The following AZIN1 variants were observed in gnomAD, a reference collection of about 807,000 sequenced individuals.
The protein encoded by AZIN1 is ornithine decarboxylase antizyme inhibitor.
AZIN1 carries 12 observed loss-of-function variants against 47.4 expected under a neutral mutation model. The observed-to-expected ratio is 0.25, with a 90% CI of 0.16 to 0.41. AZIN1 has a LOEUF of 0.41. Ranked by LOEUF, AZIN1 falls within the 10% of genes least tolerant of loss-of-function variation. AZIN1 has a pLI of 1.00. For missense variants in AZIN1, 410 were observed against 532.4 expected, an observed-to-expected ratio of 0.77 and a Z score of 2.26; for synonymous variants, 155 against 176.3, an observed-to-expected ratio of 0.88 and a Z score of 0.96.
chr8:102,831,386 A>G (rs1811447369), intron 9 of AZIN1, among the ~76,000 whole-genome samples: 1 of 152,044 alleles, frequency 6.6e-6, no homozygotes, highest in African/African-American at 2.4e-5. Context: ...GGTAGTTTAC[A>G]GAGTCTCTAA....
intron 2 of AZIN1, among the ~76,000 whole-genome samples, chr8:102,856,964 A>G (rs1813332424): frequency 6.6e-6 from 1 of 152,254 alleles, no homozygotes; most frequent in Non-Finnish European, 1.5e-5. Flanking sequence ...GGACAGTAAT[A>G]CACTCAAAAA....
intron 5 of AZIN1, 59 bp from the exon 6 acceptor site, chr8:102,836,449 A>T: frequency 2.6e-6 from 4 of 1,545,464 alleles, no homozygotes; most frequent in Non-Finnish European, 2.7e-6. Context: ...AGCACATGTG[A>T]AGCCTGAAGA....
intron 2 of AZIN1, chr8:102,850,037 G>A (rs553436373): frequency 6.6e-6 from 1 of 152,280 alleles, no homozygotes; most frequent in East Asian, 1.9e-4. Flanking sequence ...TACTTCAGAA[G>A]AAACTGATAC....
chr8:102,834,685 C>T lies in AZIN1; in HGVS notation c.647G>A (p.Arg216Gln), dbSNP rs759269331. Residue 216 changes from arginine to glutamine, a missense_variant, in exon 7 of 12, where the codon CGA becomes CAA. This residue lies in a region of AZIN1 where 237 missense variants were observed against 309.4 expected (regional missense o/e 0.77). Coordinates refer to ENST00000337198, the MANE Select transcript of AZIN1 (RefSeq NM_148174.4). ...ACTTACAGCCATGTCAAACACACAT[C>T]GAGCATCAGATAGAGCATGTACATA... ...QVYVHALSDA[R>Q]CVFDMAGEIG... 1.5e-5 allele frequency: 24 copies of T among 1,608,900 alleles called. No individual in the cohort carries two copies. Among genetic ancestry groups the T allele is most frequent in the Admixed American group, 5.1e-5 (3 of 59,216 alleles).
chr8:102,829,427 C>G lies in AZIN1; in HGVS notation c.1080G>C (p.Glu360Asp). The G allele has an allele frequency of 6.2e-7, 1 of 1,614,114 alleles. No individual in the cohort carries two copies. The highest frequency in any genetic ancestry group is 8.5e-7 in the Non-Finnish European group (1 of 1,179,958). The change falls in exon 11 of 12, where the codon GAG becomes GAC. Residue 360 changes from glutamate (E) to aspartate (D), a missense_variant. Transcript: ENST00000337198. Reference protein sequence around the residue: ...TSSLWGPSCDELDQIVESCLL... With the variant: ...TSSLWGPSCDDLDQIVESCLL... ...GACAGCTTTCCACAATTTGATCAAG[C>G]TCATCACAGGATGGACCCCAAAGGC...
At chr8:102,830,734 TG>T (rs1162878073) in intron 9 of AZIN1, among the ~76,000 whole-genome samples, 4 of 151,388 alleles carry the variant, frequency 2.6e-5, no homozygotes, top group Non-Finnish European at 5.9e-5. Context: ...AAAACCACAA[TG>T]GACTACCATT....
chr8:102,860,693 A>T (rs1813590245), intron 1 of AZIN1, among the ~76,000 whole-genome samples: 1 of 152,200 alleles, frequency 6.6e-6, no homozygotes, highest in Non-Finnish European at 1.5e-5. Flanking sequence ...AACTACAAAA[A>T]CTTTCTATCA....
chr8:102,835,554 AG>A (rs1409648910), intron 6 of AZIN1: 1 of 152,338 alleles, frequency 6.6e-6, no homozygotes, highest in African/African-American at 2.4e-5. Flanking sequence ...AGGCCAAGGC[AG>A]GAAGATTGCT....
chr8:102,854,169 C>T (rs6990288), intron 2 of AZIN1, among the ~76,000 whole-genome samples: 33,209 of 151,890 alleles, frequency 0.22, 4,186 homozygotes, highest in African/African-American at 0.34. Context: ...AAACTCCTGA[C>T]TTCAGATGAT....
intron 2 of AZIN1, among the ~76,000 whole-genome samples, chr8:102,848,122 AG>A (rs141754044): frequency 0.022 from 3,305 of 152,290 alleles, 61 homozygotes; most frequent in Non-Finnish European, 0.036. Context: ...ACAGGATGGT[AG>A]CCTAGGAGCA....
chr8:102,849,802 T>A (rs963705444), intron 2 of AZIN1, among the ~76,000 whole-genome samples: 3 of 152,142 alleles, frequency 2.0e-5, no homozygotes, highest in Non-Finnish European at 2.9e-5. Flanking sequence ...ATATGTAACA[T>A]CCCTTATTCA....
At chr8:102,850,089 C>G (rs1381030600) in intron 2 of AZIN1, 4 of 152,178 alleles carry the variant, frequency 2.6e-5, no homozygotes, top group Admixed American at 2.6e-4. Flanking sequence ...AGCAACAGCC[C>G]ACTTGACACC....
chr8:102,859,946 T>C (rs1813526612), intron 1 of AZIN1, among the ~76,000 whole-genome samples: 1 of 152,062 alleles, frequency 6.6e-6, no homozygotes, highest in Non-Finnish European at 1.5e-5. Context: ...GGAATTTGAG[T>C]CCAGCCTGGG....
chr8:102,833,304 T>C (rs1471325006), intron 8 of AZIN1, 86 bp from the exon 9 acceptor site: 1 of 1,312,336 alleles, frequency 7.6e-7, no homozygotes. Context: ...CAAAATTTTC[T>C]AGGAAAATGA....
intron 3 of AZIN1, among the ~76,000 whole-genome samples, chr8:102,840,056 A>G (rs1345899322): frequency 6.6e-6 from 1 of 152,246 alleles, no homozygotes; most frequent in Non-Finnish European, 1.5e-5. Context: ...CTACACTAGC[A>G]TATAAAATAT....
intron 9 of AZIN1, among the ~76,000 whole-genome samples, chr8:102,831,771 A>G (rs940940296): frequency 1.3e-5 from 2 of 152,042 alleles, no homozygotes; most frequent in Non-Finnish European, 2.9e-5. Flanking sequence ...GAGAAACACG[A>G]CGAAACCCTC....
chr8:102,849,162 G>A (rs895071563), intron 2 of AZIN1, among the ~76,000 whole-genome samples: 34 of 152,082 alleles, frequency 2.2e-4, no homozygotes, highest in African/African-American at 8.2e-4. Flanking sequence ...GTGTGGTGGT[G>A]CACACCTGTA....
chr8:102,828,447 T>C lies in AZIN1; in HGVS notation c.*120A>G, dbSNP rs988424286. The C allele has an allele frequency of 4.9e-6, 3 of 611,420 alleles. No individual in the cohort carries two copies. Among genetic ancestry groups the C allele is most frequent in the Admixed American group, 3.3e-5 (1 of 30,314 alleles). 37.9% of individuals were successfully genotyped at this position (611,420 alleles called of 1,614,324 possible). A position where few individuals can be genotyped will look rare whatever the true frequency, so the allele number is the denominator to read the frequency against. On this transcript the variant is annotated 3_prime_UTR_variant, in exon 12 of 12. Transcript: ENST00000337198. ...TCTGGTCCCAAATAGCTATTACTAA[T>C]AGTTTTTGTTGCCAAAAGAATTAAG...
intron 2 of AZIN1, chr8:102,856,216 G>C (rs1813285686): frequency 6.6e-6 from 1 of 151,430 alleles, no homozygotes; most frequent in Non-Finnish European, 1.5e-5. Context: ...TAGCTTTATA[G>C]CAAAGCATCA....
Sources: gnomAD v4.1 joint callset for allele counts (sites outside exome capture counted in the v4.1 genomes callset) on GRCh38, gnomAD v4.1.1 for gene constraint, gnomAD v4.1.1 regional missense constraint, MANE v1.5 for transcripts, NCBI Gene and HGNC (gene_info 2026-07-23, HGNC 2026-07-21) for gene names.